Variants in ADAM17 observed in about 807,000 individuals in gnomAD.
ADAM17 encodes the protein ADAM metallopeptidase domain 17.
In ADAM17, 39 loss-of-function variants were observed where a neutral mutation model predicts 96.7. The observed-to-expected ratio is 0.40, with a 90% CI of 0.31 to 0.53. The LOEUF (loss-of-function observed/expected upper bound fraction) is 0.53. ADAM17 is among the 20% of genes least tolerant of loss of function. ADAM17 has a pLI of 0.44. For missense variants in ADAM17, 777 were observed against 1,013.2 expected, an observed-to-expected ratio of 0.77 and a Z score of 3.17; for synonymous variants, 344 against 359.2, an observed-to-expected ratio of 0.96 and a Z score of 0.48.
chr2:9,505,506 C>T, intron 11 of ADAM17, 141 bp from the exon 12 acceptor site: 3 of 784,634 alleles, frequency 3.8e-6, no homozygotes, highest in Non-Finnish European at 6.2e-6. Flanking sequence ...AAGGCCACCA[C>T]AGTCTCCTCC....
intron 6 of ADAM17, among the ~76,000 whole-genome samples, chr2:9,525,362 A>G (rs1159301573): frequency 1.3e-5 from 2 of 151,808 alleles, no homozygotes; most frequent in African/African-American, 4.8e-5. Context: ...GAGGGTATGA[A>G]TAAAATGGAC....
intron 1 of ADAM17, among the ~76,000 whole-genome samples, chr2:9,547,906 A>G (rs1665454507): frequency 6.6e-6 from 1 of 152,218 alleles, no homozygotes; most frequent in South Asian, 2.1e-4. Flanking sequence ...TAAATAAAAT[A>G]AAATACAAAA....
Position 9,493,740 on chromosome 2 carries a change from C to A in ADAM17, c.1993+7G>T. The A allele has an allele frequency of 6.2e-7, 1 of 1,611,732 alleles. No individual in the cohort carries two copies. The highest frequency in any genetic ancestry group is 8.5e-7 in the Non-Finnish European group (1 of 1,178,076). ...CTCTCAGTAAGTAATCTGGGGAAAT[C>A]ACCTACCAAAAGTATTGATGCTCAG... On this transcript the variant is annotated splice_region_variant and intron_variant, in intron 16 of 18. Coordinates refer to ENST00000310823, the MANE Select transcript of ADAM17 (RefSeq NM_003183.6).
intron 13 of ADAM17, among the ~76,000 whole-genome samples, chr2:9,501,943 G>A (rs1663030510): frequency 6.6e-6 from 1 of 151,922 alleles, no homozygotes; most frequent in Non-Finnish European, 1.5e-5. Context: ...CCACAGTAGA[G>A]TGGATGTCTG....
rs879652967 is a variant in ADAM17 at position 9,555,795 on chromosome 2, A to T, written c.-190T>A. On this transcript the variant is annotated 5_prime_UTR_variant, in exon 1 of 19. Transcript: ENST00000310823. ...CGCCCCCAGAAGTGCAGGTGGCGTT[A>T]CCAAAGGCCGGCTCAGCCAGCTTCC... The T allele has an allele frequency of 4.4e-6, 2 of 456,040 alleles. No individual in the cohort carries two copies. The highest frequency in any genetic ancestry group is 7.6e-6 in the Non-Finnish European group (2 of 264,056). The allele number at this position is 456,040 out of a possible 1,614,324, so 28.2% of individuals were successfully genotyped here.
chr2:9,522,246 G>C, intron 7 of ADAM17: 1 of 403,212 alleles, frequency 2.5e-6, no homozygotes, highest in Non-Finnish European at 4.4e-6. Flanking sequence ...AAAGTGTACT[G>C]CATAGCACCG....
rs181036793 is a variant in ADAM17, at chr2:9,502,280, G to C, written c.1545-4C>G. 2 of 1,607,064 alleles carry C rather than the reference G, an allele frequency of 1.2e-6. No homozygotes were observed. Among genetic ancestry groups the C allele is most frequent in the East Asian group, 4.5e-5 (2 of 44,830 alleles). On this transcript the variant is annotated splice_region_variant and splice_polypyrimidine_tract_variant and intron_variant, in intron 12 of 18. Transcript: ENST00000310823. ...ACAGCAAGGACTGTTCCTGTCACTG[G>C]AGAAGAACAGCAGACAGGAACAGAG...
intron 7 of ADAM17, among the ~76,000 whole-genome samples, chr2:9,522,819 A>G (rs1050101988): frequency 6.6e-6 from 1 of 152,176 alleles, no homozygotes; most frequent in African/African-American, 2.4e-5. Context: ...TCAGAAGGAG[A>G]TATCTGAGAG....
In ADAM17 at chr2:9,544,612, G is replaced by A. The variant is rs1324069352; in HGVS notation, c.98-1327C>T. On this transcript the variant is annotated intron_variant, in intron 1 of 18. Coordinates refer to ENST00000310823, the MANE Select transcript of ADAM17 (RefSeq NM_003183.6). ...GGAGGCCAAGGCAGGGGGATCACAA[G>A]GTCAGGAGATGGAGACCATCCTGGC... 1.1e-4 allele frequency among the ~76,000 whole-genome samples: 16 copies of A among 152,206 alleles called. No homozygotes were observed. In the East Asian group the frequency reaches 3.1e-3, roughly 29 times the overall value.
At chr2:9,501,402 C>T (rs1259553372) in intron 13 of ADAM17, among the ~76,000 whole-genome samples, 1 of 152,152 alleles carries the variant, frequency 6.6e-6, no homozygotes, top group Non-Finnish European at 1.5e-5. Flanking sequence ...CACATCCTGC[C>T]TCTGTGACTA....
At chr2:9,525,203 G>A (rs1425208929) in intron 6 of ADAM17, among the ~76,000 whole-genome samples, 2 of 151,192 alleles carry the variant, frequency 1.3e-5, no homozygotes, top group African/African-American at 2.4e-5. Flanking sequence ...TGATGCTGAG[G>A]CAGGAGAATT....
In ADAM17 at chr2:9,543,248, G is replaced by C. The variant is rs1665287172; in HGVS notation, c.135C>G (p.Leu45=). ...LDSLLSDYDI[L]SLSNIQQHSV... is the part of the protein sequence containing the mutation. ...AATGCTGCTGGATATTAGATAAAGA[G>C]AGAATATCGTAGTCTGAGAGCAAAG... The change falls in exon 2 of 19, where the codon CTC becomes CTG. Residue 45 remains leucine, a synonymous_variant. Coordinates refer to ENST00000310823, the MANE Select transcript of ADAM17 (RefSeq NM_003183.6). The C allele has an allele frequency of 6.2e-7, 1 of 1,608,690 alleles. No individual in the cohort carries two copies. Among genetic ancestry groups the C allele is most frequent in the Admixed American group, 1.7e-5 (1 of 59,130 alleles).
intron 14 of ADAM17, chr2:9,496,465 C>G (rs1250563192): frequency 6.6e-6 from 1 of 152,292 alleles, no homozygotes; most frequent in African/African-American, 2.4e-5. Context: ...ACTCCCTCAT[C>G]GACTCCCATG....
intron 15 of ADAM17, among the ~76,000 whole-genome samples, chr2:9,494,224 C>G (rs553472344): frequency 2.6e-5 from 4 of 152,282 alleles, no homozygotes; most frequent in African/African-American, 9.6e-5. Flanking sequence ...CTCTAGAGAA[C>G]AAAAGGGTCT....
At chr2:9,493,498 G>A (rs1662324264) in intron 16 of ADAM17, among the ~76,000 whole-genome samples, 1 of 152,070 alleles carries the variant, frequency 6.6e-6, no homozygotes. Flanking sequence ...GATATTTTTG[G>A]GTAAAGAAGG....
At chr2:9,494,504 C>G (rs565120927) in intron 15 of ADAM17, 133 bp downstream of exon 15, 2 of 1,022,036 alleles carry the variant, frequency 2.0e-6, no homozygotes, top group Non-Finnish European at 2.8e-6. Context: ...AAGTAATACC[C>G]GTAGATAACA....
intron 2 of ADAM17, among the ~76,000 whole-genome samples, chr2:9,538,552 ATACT>A (rs1216010727): frequency 6.6e-6 from 1 of 152,222 alleles, no homozygotes; most frequent in Non-Finnish European, 1.5e-5. Context: ...TTTCAAAAGC[ATACT>A]TATTATAAAT....
At position 9,490,236 on chromosome 2, in the gene ADAM17, C is replaced by A. The variant is rs761391373; in HGVS notation, c.2416G>T (p.Ala806Ser). 140 of 1,609,752 alleles carry A rather than the reference C, an allele frequency of 8.7e-5. No homozygotes were observed. The highest frequency in any genetic ancestry group is 1.2e-4 in the Non-Finnish European group (138 of 1,176,292). Residue 806 changes from alanine (A) to serine (S), a missense_variant, in exon 19 of 19, where the codon GCT becomes TCT. Coordinates refer to ENST00000310823, the MANE Select transcript of ADAM17 (RefSeq NM_003183.6). ...TGACGCTGCAGTTTAAAGGAGGCAGCCTTTTCACTTCTGGTGACCGGATGG... is the reference window on the plus strand; with the variant it reads ...TGACGCTGCAGTTTAAAGGAGGCAGACTTTTCACTTCTGGTGACCGGATGG... ...TDHPVTRSEK[A>S]ASFKLQRQNR...
chr2:9,536,558 C>G, intron 3 of ADAM17, 140 bp downstream of exon 3: 1 of 1,137,598 alleles, frequency 8.8e-7, no homozygotes, highest in Non-Finnish European at 1.2e-6. Flanking sequence ...AACTTATATA[C>G]CTCAAAGAAA....
Sources: allele counts gnomAD v4.1 joint callset (sites outside exome capture counted in the v4.1 genomes callset), GRCh38; gene constraint gnomAD v4.1.1; transcripts MANE v1.5; gene names NCBI Gene and HGNC (gene_info 2026-07-23, HGNC 2026-07-21).